LRIT1: variants seen among roughly 807,000 people sequenced by gnomAD.
LRIT1 encodes leucine-rich repeat, immunoglobulin-like domain and transmembrane domain-containing protein 1.
In LRIT1, 23 loss-of-function variants were observed where a neutral mutation model predicts 24.0. The ratio of observed to expected loss-of-function variants is 0.96; its 90% confidence interval spans 0.69 to 1.36. The LOEUF (loss-of-function observed/expected upper bound fraction) is 1.36, where lower values mean the gene tolerates loss of function less well. LRIT1 is among the 40% of genes most tolerant of loss of function. The probability of loss-of-function intolerance (pLI) is 0.00; values close to 1 mark genes in which losing one functional copy is unlikely to be tolerated. For synonymous variants in LRIT1, 361 were observed against 340.5 expected (o/e 1.06, Z -0.66); for missense variants, 846 against 806.3 (o/e 1.05, Z -0.60).
Position 84,231,912 on chromosome 10 carries a change from G to A in LRIT1, c.*15C>T, listed in dbSNP as rs199600318. On this transcript the variant is annotated 3_prime_UTR_variant, in exon 4 of 4. Coordinates refer to ENST00000372105, the MANE Select transcript of LRIT1 (RefSeq NM_015613.3). ...GCGTGGGCAGGCAGGTGTGTGAGTT[G>A]CGGAGGCATATCCCTCAGCAGAAGT... 1.9e-4 allele frequency: 306 copies of A among 1,586,390 alleles called. No homozygotes were observed. Among genetic ancestry groups the A allele is most frequent in the Non-Finnish European group, 2.6e-4 (299 of 1,163,938 alleles).
rs199826194 is a variant in LRIT1 at position 84,237,668 on chromosome 10, G to C, written c.141C>G (p.Asp47Glu). Residue 47 changes from aspartate to glutamate, a missense_variant, in exon 2 of 4, where the codon GAC (aspartate) becomes GAG (glutamate). Physicochemically the swap from Asp to Glu is conservative, Grantham distance 45. Transcript: ENST00000372105. ...ACGCCGGGGGCAGGGTCATGTCGGG[G>C]TCGTTGCACACTACTGTCCTGCTGG... ...GSKARTVVCN[D>E]PDMTLPPASI... 7.3e-5 allele frequency: 117 copies of C among 1,602,168 alleles called. No homozygotes were observed. Among genetic ancestry groups the C allele is most frequent in the Non-Finnish European group, 8.9e-5 (105 of 1,177,608 alleles).
Position 84,237,254 on chromosome 10 carries a change from G to T in LRIT1, c.555C>A (p.Ile185=). 1.9e-6 allele frequency: 3 copies of T among 1,550,730 alleles called. No individual in the cohort carries two copies. Among genetic ancestry groups the T allele is most frequent in the Non-Finnish European group, 2.6e-6 (3 of 1,146,968 alleles). The change falls in exon 2 of 4, where the codon ATC becomes ATA. Residue 185 remains isoleucine (I), a synonymous_variant. Coordinates refer to ENST00000372105, the MANE Select transcript of LRIT1 (RefSeq NM_015613.3). ...IVSWAHLETG[I]FPPGHHPRRV... ...GCCTGGGGTGGTGGCCGGGAGGAAA[G>T]ATACCGGTCTCCAGGTGAGCCCAGG... is the stretch of plus-strand genomic sequence containing the variant.
rs770440245 is a variant in LRIT1 at position 84,237,348 on chromosome 10, A to G, written c.461T>C (p.Leu154Pro). The G allele has an allele frequency of 6.4e-7, 1 of 1,550,598 alleles. No individual in the cohort carries two copies. Among genetic ancestry groups the G allele is most frequent in the South Asian group, 1.2e-5 (1 of 84,052 alleles). The change falls in exon 2 of 4, where the codon CTG becomes CCG. Residue 154 changes from leucine (L) to proline (P), a missense_variant. Coordinates refer to ENST00000372105, the MANE Select transcript of LRIT1 (RefSeq NM_015613.3). ...SAVPAEAARFLENLTFLDLSS... is the reference protein window; with the variant it reads ...SAVPAEAARFPENLTFLDLSS... ...GAGGTCGAGGAAGGTGAGGTTCTCC[A>G]GGAAGCGCGCGGCCTCAGCGGGCAC...
chr10:84,238,028 T>C (rs1842666784), intron 1 of LRIT1, among the ~76,000 whole-genome samples: 1 of 152,162 alleles, frequency 6.6e-6, no homozygotes. Context: ...CATGATCGCG[T>C]TGTGCACTGT....
In LRIT1 at chr10:84,237,498, C is replaced by A. The variant is rs374333364; in HGVS notation, c.311G>T (p.Arg104Leu). Residue 104 changes from arginine to leucine, a missense_variant, in exon 2 of 4, where the codon CGG becomes CTG. Transcript: ENST00000372105. Reference protein sequence around the residue: ...ALSELNALMLRGLRRLRELRL... With the variant: ...ALSELNALMLLGLRRLRELRL... ...CAGCTCCCGCAGGCGTCGCAGGCCC[C>A]GCAGCATGAGGGCGTTGAGCTCGCT... is the stretch of plus-strand genomic sequence containing the variant. The A allele has an allele frequency of 1.9e-6, 3 of 1,598,628 alleles. No homozygotes were observed. The highest frequency in any genetic ancestry group is 2.5e-6 in the Non-Finnish European group (3 of 1,176,614).
At chr10:84,234,005 C>A in intron 3 of LRIT1, 68 bp downstream of exon 3, 1 of 1,364,576 alleles carries the variant, frequency 7.3e-7, no homozygotes, top group South Asian at 1.8e-5. Context: ...TGCCAAATCC[C>A]CATTTGGGGA....
chr10:84,240,488 C>G (rs1842683344), intron 1 of LRIT1, among the ~76,000 whole-genome samples: 1 of 152,172 alleles, frequency 6.6e-6, no homozygotes, highest in African/African-American at 2.4e-5. Flanking sequence ...ATCAGTGGCT[C>G]AGAAACCATG....
In LRIT1 at chr10:84,232,348, G is replaced by T. The variant is rs745883236; in HGVS notation, c.1451C>A (p.Thr484Asn). ...VIVQPGKTRV[T>N]ITGLLPKTKY... Reference sequence around the variant, plus strand: ...GGTCTTGGGCAACAGCCCAGTGATGGTCACTCTGGTCTTCCCAGGCTGCAC... The same window carrying T: ...GGTCTTGGGCAACAGCCCAGTGATGTTCACTCTGGTCTTCCCAGGCTGCAC... The change falls in exon 4 of 4, where the codon ACC becomes AAC. Residue 484 changes from threonine (T) to asparagine (N), a missense_variant. Thr to Asn is a moderately conservative substitution (Grantham distance 65). Transcript: ENST00000372105. 3 of 1,613,882 alleles carry T rather than the reference G, an allele frequency of 1.9e-6. No individual in the cohort carries two copies. The highest frequency in any genetic ancestry group is 1.7e-6 in the Non-Finnish European group (2 of 1,179,938).
chr10:84,232,066 C>T lies in LRIT1; in HGVS notation c.1733G>A (p.Gly578Asp), dbSNP rs745621110. 1.5e-5 allele frequency: 24 copies of T among 1,614,090 alleles called. No individual in the cohort carries two copies. The highest frequency in any genetic ancestry group is 1.9e-5 in the Non-Finnish European group (23 of 1,180,056). Reference protein sequence around the residue: ...TVTYVNLERLGYSEDGLEELS... With the variant: ...TVTYVNLERLDYSEDGLEELS... ...CTCCTCCAAGCCGTCCTCGCTGTAG[C>T]CCAGTCTCTCTAGGTTGACGTAGGT... The change falls in exon 4 of 4, where the codon GGC (glycine) becomes GAC (aspartate). Residue 578 changes from glycine (G) to aspartate (D), a missense_variant. Coordinates refer to ENST00000372105, the MANE Select transcript of LRIT1 (RefSeq NM_015613.3).
In LRIT1 at chr10:84,232,337, G is replaced by A; in HGVS notation, c.1462C>T (p.Leu488=). ...GCCACATACTTGGTCTTGGGCAACA[G>A]CCCAGTGATGGTCACTCTGGTCTTC... The part of the protein sequence containing the change: ...PGKTRVTITG[L]LPKTKYVACV... Residue 488 remains leucine (L), a synonymous_variant, in exon 4 of 4, where the codon CTG becomes TTG. Transcript: ENST00000372105. 1 of 1,613,982 alleles carries A rather than the reference G, an allele frequency of 6.2e-7. No homozygotes were observed. The highest frequency in any genetic ancestry group is 8.5e-7 in the Non-Finnish European group (1 of 1,179,962).
intron 1 of LRIT1, among the ~76,000 whole-genome samples, chr10:84,239,553 A>C (rs1051642096): frequency 6.6e-6 from 1 of 152,212 alleles, no homozygotes; most frequent in Non-Finnish European, 1.5e-5. Flanking sequence ...AAACGGTAAA[A>C]GGGGCATTTA....
chr10:84,237,381 A>C lies in LRIT1; in HGVS notation c.428T>G (p.Leu143Arg), dbSNP rs762983464. The C allele has an allele frequency of 1.3e-6, 2 of 1,548,962 alleles. No individual in the cohort carries two copies. The highest frequency in any genetic ancestry group is 2.4e-5 in the South Asian group (2 of 84,086). The change falls in exon 2 of 4, where the codon CTC becomes CGC. Residue 143 changes from leucine to arginine, a missense_variant. Leu to Arg is a moderately radical substitution (Grantham distance 102). Transcript: ENST00000372105. The stretch of plus-strand genomic sequence containing the variant: ...CGCGGCCTCAGCGGGCACAGCCGAG[A>C]GGCGGTTGGCCTGCAGGTCCAGCAG... ...LRLLDLQANR[L>R]SAVPAEAARF...
At chr10:84,234,441 C>T (rs1382262827) in intron 2 of LRIT1, 63 bp from the exon 3 acceptor site, 4 of 1,333,178 alleles carry the variant, frequency 3.0e-6, no homozygotes, top group Non-Finnish European at 4.1e-6. Flanking sequence ...AGGCCCAGCA[C>T]CCCTTCCCCT....
chr10:84,237,071 A>C (rs1189126951), intron 2 of LRIT1, 149 bp downstream of exon 2: 8 of 657,554 alleles, frequency 1.2e-5, no homozygotes, highest in Non-Finnish European at 2.1e-5. Flanking sequence ...TGGCTTGTGG[A>C]TTGAGCTCCT....
chr10:84,233,859 G>T (rs1004744547), intron 3 of LRIT1, among the ~76,000 whole-genome samples: 6 of 152,224 alleles, frequency 3.9e-5, no homozygotes, highest in African/African-American at 1.4e-4. Context: ...GGTGGGATAT[G>T]ATAGGACAGG....
chr10:84,234,050 C>T lies in LRIT1; in HGVS notation c.895+23G>A, dbSNP rs368272148. On this transcript the variant is annotated intron_variant, in intron 3 of 3. Transcript: ENST00000372105. The stretch of plus-strand genomic sequence containing the variant: ...CCCTCCCCAGTCTAGGTTCTCAGTG[C>T]AGCATCCCTGTAGCTCACATACCTG... 19 of 1,460,758 alleles carry T rather than the reference C, an allele frequency of 1.3e-5. 1 individual carries two copies. In the East Asian group the frequency reaches 3.2e-4, roughly 25 times the overall value. 90.5% of individuals were successfully genotyped at this position (1,460,758 alleles called of 1,614,324 possible).
At position 84,240,626 on chromosome 10, in the gene LRIT1, C is replaced by G. The variant is rs553291681; in HGVS notation, c.122+692G>C. Among the ~76,000 whole-genome samples, 3 of 152,000 alleles carry G rather than the reference C, an allele frequency of 2.0e-5. No homozygotes were observed. The East Asian group carries it at 5.8e-4, about 29-fold the overall frequency. ...CAAGCCACAGTGGCATGGGAATGTC[C>G]CATGAAAGGAGAGGAGGAGAGAATG... On this transcript the variant is annotated intron_variant, in intron 1 of 3. Transcript: ENST00000372105.
chr10:84,237,771 A>T, intron 1 of LRIT1, 85 bp from the exon 2 acceptor site: 3 of 1,067,366 alleles, frequency 2.8e-6, no homozygotes, highest in Non-Finnish European at 4.0e-6. Context: ...CGAGGCCTCC[A>T]GTTCTGCCTG....
At chr10:84,236,267 T>A (rs1486062210) in intron 2 of LRIT1, among the ~76,000 whole-genome samples, 2 of 150,348 alleles carry the variant, frequency 1.3e-5, no homozygotes. Context: ...CTGGACTCCA[T>A]CCTGGGCGAC....
Sources: allele counts gnomAD v4.1 joint callset (sites outside exome capture counted in the v4.1 genomes callset), GRCh38; gene constraint gnomAD v4.1.1; transcripts MANE v1.5; gene names NCBI Gene and HGNC (gene_info 2026-07-23, HGNC 2026-07-21).